LRMDA: variants seen among roughly 807,000 people sequenced by gnomAD.
LRMDA encodes leucine rich melanocyte differentiation associated.
Under a neutral mutation model 29.8 loss-of-function variants are expected in LRMDA, and 18 were observed. The observed-to-expected ratio is 0.60, with a 90% confidence interval of 0.42 to 0.90. The LOEUF is 0.90. Among genes scored for constraint, LRMDA ranks in the 40% least tolerant of loss-of-function variants. The pLI, the probability that LRMDA is intolerant of heterozygous loss-of-function variation, is 0.00. For synonymous variants in LRMDA, 125 were observed against 109.4 expected (o/e 1.14, Z -0.89); for missense variants, 273 against 273.9 (o/e 1.00, Z 0.02).
chr10:76,280,618 G>A (rs1443304244), intron 5 of LRMDA, among the ~76,000 whole-genome samples: 1 of 151,958 alleles, frequency 6.6e-6, no homozygotes, highest in Admixed American at 6.6e-5. Flanking sequence ...AATTAGTCTG[G>A]GAGAGAATGT....
chr10:75,622,151 T>A (rs967318152), intron 2 of LRMDA, among the ~76,000 whole-genome samples: 6 of 152,180 alleles, frequency 3.9e-5, no homozygotes, highest in African/African-American at 1.4e-4. Context: ...CATACATGTG[T>A]GCATTTAATT....
intron 1 of LRMDA, among the ~76,000 whole-genome samples, chr10:75,433,144 C>G (rs1160336878): frequency 6.6e-6 from 1 of 152,162 alleles, no homozygotes; most frequent in East Asian, 1.9e-4. Context: ...ACAAGAGGGT[C>G]TTTTCCTTCT....
chr10:75,553,583 G>C (rs1426741078), intron 2 of LRMDA, among the ~76,000 whole-genome samples: 1 of 152,088 alleles, frequency 6.6e-6, no homozygotes. Flanking sequence ...GGGTAGGAGA[G>C]CATTTTCTGT....
intron 2 of LRMDA, among the ~76,000 whole-genome samples, chr10:75,529,219 T>A (rs146819161): frequency 1.5e-3 from 221 of 152,240 alleles, no homozygotes; most frequent in African/African-American, 5.1e-3. Context: ...TACTAGGAGC[T>A]GGAAAAACAT....
At chr10:75,643,076 C>A (rs772081389) in intron 2 of LRMDA, 2 of 151,930 alleles carry the variant, frequency 1.3e-5, no homozygotes, top group South Asian at 4.2e-4. Flanking sequence ...CACCTCAGCA[C>A]GGTAGGACTT....
chr10:76,011,410 C>A (rs1220406147), intron 2 of LRMDA, among the ~76,000 whole-genome samples: 1 of 152,138 alleles, frequency 6.6e-6, no homozygotes, highest in Admixed American at 6.5e-5. Flanking sequence ...GGAATGTGGC[C>A]ATCTCGTCTC....
At chr10:75,704,657 T>C (rs529018212) in intron 2 of LRMDA, among the ~76,000 whole-genome samples, 2 of 152,258 alleles carry the variant, frequency 1.3e-5, no homozygotes, top group African/African-American at 2.4e-5. Flanking sequence ...CACTTTTCTA[T>C]GAGGTATTGG....
At chr10:76,130,069 A>G (rs1849958488) in intron 5 of LRMDA, among the ~76,000 whole-genome samples, 1 of 151,950 alleles carries the variant, frequency 6.6e-6, no homozygotes, top group African/African-American at 2.4e-5. Flanking sequence ...AATAAATATT[A>G]ACTATTAATA....
Position 76,549,018 on chromosome 10 carries a change from G to A in LRMDA, c.602-8191G>A, listed in dbSNP as rs553377745. Among the ~76,000 whole-genome samples, 6 of 152,252 alleles carry A rather than the reference G, an allele frequency of 3.9e-5. No homozygotes were observed. The South Asian group carries it at 1.2e-3, about 32-fold the overall frequency. On this transcript the variant is annotated intron_variant, in intron 6 of 6. Transcript: ENST00000611255. ...GCAGTAATTTCTCAGACTTGGACCAGCTTTTCCATTTTCCACTGACAGATT... is the reference window on the plus strand; with the variant it reads ...GCAGTAATTTCTCAGACTTGGACCAACTTTTCCATTTTCCACTGACAGATT...
At chr10:76,210,072 G>C (rs1851608736) in intron 5 of LRMDA, among the ~76,000 whole-genome samples, 1 of 152,180 alleles carries the variant, frequency 6.6e-6, no homozygotes, top group Non-Finnish European at 1.5e-5. Flanking sequence ...TCCGCACCGG[G>C]AATGAGACAG....
At chr10:75,719,714 G>A (rs1270662754) in intron 2 of LRMDA, among the ~76,000 whole-genome samples, 1 of 152,134 alleles carries the variant, frequency 6.6e-6, no homozygotes, top group Admixed American at 6.5e-5. Flanking sequence ...GAAGTGTTCC[G>A]CCTCCTGTTG....
chr10:75,937,568 G>C (rs1280475948), intron 2 of LRMDA, among the ~76,000 whole-genome samples: 1 of 152,184 alleles, frequency 6.6e-6, no homozygotes, highest in Non-Finnish European at 1.5e-5. Flanking sequence ...GCACCATCGA[G>C]TTGCCAAAAG....
intron 6 of LRMDA, among the ~76,000 whole-genome samples, chr10:76,477,794 A>C (rs1046100263): frequency 1.3e-5 from 2 of 152,192 alleles, no homozygotes; most frequent in African/African-American, 4.8e-5. Context: ...AAAAACAAGA[A>C]ATGGGGAAAG....
rs539412381 is a variant in LRMDA, at chr10:75,590,920, A to G, written c.131+152426A>G. On this transcript the variant is annotated intron_variant, in intron 2 of 6. Coordinates refer to ENST00000611255, the MANE Select transcript of LRMDA (RefSeq NM_001305581.2). The stretch of plus-strand genomic sequence containing the variant: ...ACCACCACACCCGGCAAATTTTTCT[A>G]TTTTTAGTAGATGGGGTTTCACCAT... 3.3e-5 allele frequency among the ~76,000 whole-genome samples: 5 copies of G among 151,570 alleles called. No homozygotes were observed. The East Asian group carries it at 7.8e-4, about 24-fold the overall frequency.
intron 2 of LRMDA, among the ~76,000 whole-genome samples, chr10:75,884,909 G>A (rs1184138309): frequency 3.3e-5 from 5 of 151,976 alleles, no homozygotes; most frequent in African/African-American, 7.3e-5. Context: ...TAGGAGGTCC[G>A]GGGAGGATAG....
At chr10:76,024,179 T>C (rs1224364230) in intron 2 of LRMDA, among the ~76,000 whole-genome samples, 2 of 152,196 alleles carry the variant, frequency 1.3e-5, no homozygotes, top group Non-Finnish European at 2.9e-5. Context: ...ACATTCCCTA[T>C]GAAAACACCA....
intron 2 of LRMDA, among the ~76,000 whole-genome samples, chr10:76,018,606 T>A (rs1488804111): frequency 1.3e-5 from 2 of 149,728 alleles, no homozygotes; most frequent in Non-Finnish European, 3.0e-5. Context: ...TCTCACTCTG[T>A]CACCAGGCTG....
chr10:76,187,568 C>G (rs1037963783), intron 5 of LRMDA, among the ~76,000 whole-genome samples: 2 of 152,206 alleles, frequency 1.3e-5, no homozygotes, highest in Admixed American at 1.3e-4. Context: ...TGGGGATTAT[C>G]CCCATACCTC....
At chr10:76,362,540 A>C (rs1015018025) in intron 6 of LRMDA, among the ~76,000 whole-genome samples, 1 of 152,250 alleles carries the variant, frequency 6.6e-6, no homozygotes, top group African/African-American at 2.4e-5. Context: ...TATGGAGACA[A>C]AAATTAGTAA....
Sources: allele counts gnomAD v4.1 joint callset (sites outside exome capture counted in the v4.1 genomes callset), GRCh38; gene constraint gnomAD v4.1.1; transcripts MANE v1.5; gene names NCBI Gene and HGNC (gene_info 2026-07-23, HGNC 2026-07-21).